The following PICALM variants were observed in gnomAD, a reference collection of about 807,000 sequenced individuals.
PICALM encodes the protein phosphatidylinositol binding clathrin assembly protein.
Under a neutral mutation model 80.5 loss-of-function variants are expected in PICALM, and 40 were observed. That is an observed-to-expected ratio of 0.50 (90% CI 0.39 to 0.65). The LOEUF (loss-of-function observed/expected upper bound fraction) is 0.65, where lower values mean the gene tolerates loss of function less well. PICALM is among the 30% of genes least tolerant of loss of function. The pLI, the probability that PICALM is intolerant of heterozygous loss-of-function variation, is 0.00. For synonymous variants in PICALM, 288 were observed against 260.3 expected, an observed-to-expected ratio of 1.11 and a Z score of -1.02; for missense variants, 676 against 778.9, an observed-to-expected ratio of 0.87 and a Z score of 1.57.
intron 1 of PICALM, among the ~76,000 whole-genome samples, chr11:86,048,837 C>CAA (rs36076234): frequency 5.5e-4 from 56 of 101,920 alleles, no homozygotes; most frequent in African/African-American, 6.6e-4. Flanking sequence ...AACTCCGTCT[C>CAA]AAAAAAAAAA....
chr11:86,043,199 G>A (rs2096005802), intron 1 of PICALM, among the ~76,000 whole-genome samples: 1 of 152,182 alleles, frequency 6.6e-6, no homozygotes, highest in Admixed American at 6.5e-5. Flanking sequence ...GCTATTCACA[G>A]TGCATTTGCA....
intron 11 of PICALM, among the ~76,000 whole-genome samples, chr11:85,997,529 G>A (rs186791837): frequency 3.8e-4 from 58 of 152,226 alleles, no homozygotes; most frequent in Admixed American, 2.4e-3. Flanking sequence ...GGAGTGCAGC[G>A]GCGTGATCTT....
chr11:86,009,362 G>C (rs1233261988), intron 7 of PICALM, among the ~76,000 whole-genome samples: 1 of 132,144 alleles, frequency 7.6e-6, no homozygotes, highest in Non-Finnish European at 1.6e-5. Context: ...CTAAGAATAA[G>C]TTAACAGCAG....
At chr11:85,997,260 A>G (rs928316394) in intron 11 of PICALM, among the ~76,000 whole-genome samples, 14 of 152,202 alleles carry the variant, frequency 9.2e-5, no homozygotes, top group African/African-American at 3.4e-4. Context: ...TATCACAGCA[A>G]TTTTAATATT....
chr11:86,035,947 C>CAAAAAAAAAAAAA (rs543040504), intron 1 of PICALM, among the ~76,000 whole-genome samples: 4 of 66,456 alleles, frequency 6.0e-5, no homozygotes, highest in Non-Finnish European at 8.7e-5. Context: ...GACTCTGCCT[C>CAAAAAAAAAAAAA]AAAAAAAAAA....
intron 1 of PICALM, among the ~76,000 whole-genome samples, chr11:86,034,823 C>CAAT (rs1322619790): frequency 1.3e-5 from 2 of 152,120 alleles, no homozygotes; most frequent in Non-Finnish European, 2.9e-5. Flanking sequence ...CAGAAGGAAC[C>CAAT]AATACCCACC....
chr11:86,046,735 A>G (rs1225281224), intron 1 of PICALM, among the ~76,000 whole-genome samples: 3 of 152,230 alleles, frequency 2.0e-5, no homozygotes, highest in African/African-American at 7.2e-5. Context: ...CTTAATAAAG[A>G]CAGGGTCTTA....
intron 12 of PICALM, among the ~76,000 whole-genome samples, chr11:85,992,927 C>A (rs1471741320): frequency 6.6e-6 from 1 of 152,086 alleles, no homozygotes; most frequent in Non-Finnish European, 1.5e-5. Context: ...AAAACCAGTT[C>A]CTAATCTACT....
chr11:85,979,715 A>C (rs2094384864), intron 17 of PICALM, among the ~76,000 whole-genome samples: 1 of 152,182 alleles, frequency 6.6e-6, no homozygotes, highest in Non-Finnish European at 1.5e-5. Context: ...AACCCACGGA[A>C]AACAGGGCAG....
At chr11:86,017,731 T>C (rs1050707866) in intron 4 of PICALM, among the ~76,000 whole-genome samples, 1 of 152,234 alleles carries the variant, frequency 6.6e-6, no homozygotes, top group Non-Finnish European at 1.5e-5. Context: ...TAGTCTCTTG[T>C]ATAAATAGTT....
At chr11:85,994,290 C>T (rs1014700564) in intron 12 of PICALM, among the ~76,000 whole-genome samples, 1 of 152,160 alleles carries the variant, frequency 6.6e-6, no homozygotes, top group Admixed American at 6.5e-5. Flanking sequence ...GACTCCACAA[C>T]ATTTGTTGAA....
intron 16 of PICALM, 106 bp downstream of exon 16, chr11:85,981,639 C>T (rs2094446001): frequency 1.3e-6 from 1 of 756,176 alleles, no homozygotes. Context: ...GACTTGATAT[C>T]TCTACACATA....
At chr11:86,063,134 C>CA (rs1393660103) in intron 1 of PICALM, among the ~76,000 whole-genome samples, 1 of 151,926 alleles carries the variant, frequency 6.6e-6, no homozygotes, top group Non-Finnish European at 1.5e-5. Flanking sequence ...TTATCATGGC[C>CA]AAATAAACAA....
intron 5 of PICALM, among the ~76,000 whole-genome samples, chr11:86,013,876 G>A (rs942811915): frequency 3.9e-5 from 6 of 152,140 alleles, no homozygotes; most frequent in Admixed American, 1.3e-4. Context: ...ACATAAAACA[G>A]CCATAGATAA....
At chr11:85,996,231 G>C (rs566713719) in intron 12 of PICALM, among the ~76,000 whole-genome samples, 1 of 151,972 alleles carries the variant, frequency 6.6e-6, no homozygotes, top group Non-Finnish European at 1.5e-5. Context: ...TGAGAGATAA[G>C]CCTATCACTT....
chr11:86,041,736 T>G (rs2095973169), intron 1 of PICALM, among the ~76,000 whole-genome samples: 1 of 152,226 alleles, frequency 6.6e-6, no homozygotes, highest in African/African-American at 2.4e-5. Flanking sequence ...CTCTAAAATT[T>G]TAATCAACAC....
At chr11:85,969,821 C>A (rs749572247) in intron 19 of PICALM, among the ~76,000 whole-genome samples, 1 of 152,124 alleles carries the variant, frequency 6.6e-6, no homozygotes, top group East Asian at 1.9e-4. Context: ...GTTCGGCCAA[C>A]AGTTTAATTT....
upstream of PICALM, chr11:86,069,245 C>T (rs985596705): frequency 1.1e-5 from 2 of 177,694 alleles, no homozygotes; most frequent in African/African-American, 4.7e-5. Context: ...CCGCGCGTTA[C>T]GTGATGGAAC....
intron 13 of PICALM, among the ~76,000 whole-genome samples, chr11:85,988,267 G>A (rs1420472593): frequency 6.6e-6 from 1 of 152,124 alleles, no homozygotes; most frequent in African/African-American, 2.4e-5. Context: ...AAAATTTAAG[G>A]TTTTGAGAAT....
Sources: allele counts gnomAD v4.1 joint callset (sites outside exome capture counted in the v4.1 genomes callset), GRCh38; gene constraint gnomAD v4.1.1; transcripts MANE v1.5; gene names NCBI Gene and HGNC (gene_info 2026-07-23, HGNC 2026-07-21).